The following PLPPR1 variants were observed in gnomAD, a reference collection of about 807,000 sequenced individuals.
PLPPR1 encodes phospholipid phosphatase-related protein type 1.
In PLPPR1, 10 loss-of-function variants were observed where a neutral mutation model predicts 33.1. That is an observed-to-expected ratio of 0.30 (90% CI 0.19 to 0.51). PLPPR1 has a LOEUF of 0.51. Among genes scored for constraint, PLPPR1 ranks in the 20% least tolerant of loss-of-function variants. PLPPR1 has a pLI of 0.97. For synonymous variants in PLPPR1, 151 were observed against 151.0 expected, an observed-to-expected ratio of 1.00 and a Z score of 0.00; for missense variants, 304 against 408.1, an observed-to-expected ratio of 0.74 and a Z score of 2.20.
At chr9:101,290,628 A>C (rs1828478472) in intron 4 of PLPPR1, among the ~76,000 whole-genome samples, 1 of 152,246 alleles carries the variant, frequency 6.6e-6, no homozygotes, top group Non-Finnish European at 1.5e-5. Context: ...AGAAATGTAG[A>C]TTAATTTTTG....
intron 1 of PLPPR1, among the ~76,000 whole-genome samples, chr9:101,111,184 A>T (rs564720531): frequency 1.4e-4 from 21 of 152,132 alleles, no homozygotes; most frequent in Non-Finnish European, 2.5e-4. Context: ...TTATTTTTAA[A>T]TCTATGTTTC....
intron 2 of PLPPR1, among the ~76,000 whole-genome samples, chr9:101,265,787 A>G (rs995358378): frequency 2.6e-5 from 4 of 151,650 alleles, no homozygotes; most frequent in African/African-American, 9.7e-5. Flanking sequence ...ACGAGGTCAG[A>G]AGTTCGAGGC....
intron 4 of PLPPR1, among the ~76,000 whole-genome samples, chr9:101,288,168 A>T (rs957203461): frequency 2.0e-5 from 3 of 152,134 alleles, no homozygotes; most frequent in African/African-American, 7.2e-5. Context: ...TTATTGAGGG[A>T]TGCCAGAAGA....
intron 1 of PLPPR1, among the ~76,000 whole-genome samples, chr9:101,059,120 TA>T (rs141317598): frequency 0.014 from 2,100 of 152,258 alleles, 55 homozygotes; most frequent in African/African-American, 0.048. Context: ...GACATTCTCT[TA>T]AATAACTTTT....
intron 2 of PLPPR1, among the ~76,000 whole-genome samples, chr9:101,252,679 G>A (rs1045573116): frequency 1.7e-4 from 26 of 151,994 alleles, no homozygotes; most frequent in African/African-American, 5.3e-4. Context: ...GCCTAATTCC[G>A]AAGTAACTTG....
chr9:101,250,293 G>T (rs965554579), intron 2 of PLPPR1, among the ~76,000 whole-genome samples: 17 of 151,916 alleles, frequency 1.1e-4, no homozygotes, highest in African/African-American at 4.1e-4. Flanking sequence ...GTTCTTGTGC[G>T]CACACAGCTC....
chr9:101,104,556 T>C lies in PLPPR1; in HGVS notation c.-46+75454T>C, dbSNP rs926557492. 2.4e-4 allele frequency among the ~76,000 whole-genome samples: 32 copies of C among 135,018 alleles called. 1 individual carries two copies. The highest frequency in any genetic ancestry group is 9.3e-4 in the African/African-American group (31 of 33,232). The allele number at this position is 135,018 out of a possible 152,430, so 88.6% of individuals were successfully genotyped here. On this transcript the variant is annotated intron_variant, in intron 1 of 7. Transcript: ENST00000374874. The stretch of plus-strand genomic sequence containing the variant: ...GCTGCTGGATTTGATTTGCCAGTAT[T>C]TTATTGAGGATTTTTGCATCAATGT...
intron 1 of PLPPR1, among the ~76,000 whole-genome samples, chr9:101,031,581 G>A (rs992103778): frequency 1.3e-5 from 2 of 152,150 alleles, no homozygotes. Flanking sequence ...GGGAAAAAAA[G>A]ATAAGAAAGT....
At chr9:101,123,464 G>T (rs565530447) in intron 1 of PLPPR1, among the ~76,000 whole-genome samples, 3 of 152,160 alleles carry the variant, frequency 2.0e-5, no homozygotes, top group Admixed American at 1.3e-4. Context: ...ACACCAGGTC[G>T]TGGGGGTGAT....
chr9:101,147,247 G>A (rs1564158008), intron 1 of PLPPR1, among the ~76,000 whole-genome samples: 1 of 152,094 alleles, frequency 6.6e-6, no homozygotes, highest in African/African-American at 2.4e-5. Context: ...AATTTGTAAG[G>A]AATGTCTTGT....
chr9:101,297,601 A>AG (rs1828672206), intron 4 of PLPPR1, among the ~76,000 whole-genome samples: 1 of 152,202 alleles, frequency 6.6e-6, no homozygotes, highest in Non-Finnish European at 1.5e-5. Flanking sequence ...CCAGGCTTTA[A>AG]GCATAAAACA....
intron 7 of PLPPR1, among the ~76,000 whole-genome samples, chr9:101,323,576 A>T (rs372647108): frequency 5.1e-4 from 77 of 152,040 alleles, no homozygotes; most frequent in African/African-American, 1.8e-3. Flanking sequence ...ATGGTGGCTC[A>T]TGCCTATAAT....
intron 1 of PLPPR1, among the ~76,000 whole-genome samples, chr9:101,180,095 TA>T (rs1210484240): frequency 1.3e-4 from 2 of 15,576 alleles, no homozygotes; most frequent in East Asian, 0.011. Flanking sequence ...AACTCTCCTT[TA>T]TATATATATA....
At chr9:101,072,948 A>T (rs73656138) in intron 1 of PLPPR1, among the ~76,000 whole-genome samples, 3 of 152,198 alleles carry the variant, frequency 2.0e-5, no homozygotes, top group Non-Finnish European at 4.4e-5. Context: ...TTAAGAAAGC[A>T]TGTGTCCAGA....
At chr9:101,086,302 A>T (rs1830675029) in intron 1 of PLPPR1, among the ~76,000 whole-genome samples, 1 of 152,194 alleles carries the variant, frequency 6.6e-6, no homozygotes. Context: ...AGGAAGCAAG[A>T]TTAGGCAGGG....
chr9:101,127,584 A>G (rs986030865), intron 1 of PLPPR1, among the ~76,000 whole-genome samples: 2 of 152,194 alleles, frequency 1.3e-5, no homozygotes, highest in African/African-American at 2.4e-5. Flanking sequence ...TCAAGATACA[A>G]TCAATCCTGG....
At chr9:101,286,742 G>A (rs539875623) in intron 4 of PLPPR1, among the ~76,000 whole-genome samples, 3 of 152,096 alleles carry the variant, frequency 2.0e-5, no homozygotes, top group Non-Finnish European at 2.9e-5. Flanking sequence ...AATAATGAAG[G>A]CATATTCTAC....
chr9:101,299,199 C>G (rs1828702173), intron 4 of PLPPR1, among the ~76,000 whole-genome samples: 1 of 152,104 alleles, frequency 6.6e-6, no homozygotes, highest in African/African-American at 2.4e-5. Context: ...CTCAGGTACA[C>G]AGGTTAAGAG....
At chr9:101,040,002 A>G (rs186750548) in intron 1 of PLPPR1, among the ~76,000 whole-genome samples, 57 of 152,276 alleles carry the variant, frequency 3.7e-4, no homozygotes, top group African/African-American at 1.3e-3. Flanking sequence ...AAAACTTTTC[A>G]GAATATCATC....
Sources: gnomAD v4.1 joint callset for allele counts (sites outside exome capture counted in the v4.1 genomes callset) on GRCh38, gnomAD v4.1.1 for gene constraint, MANE v1.5 for transcripts, NCBI Gene and HGNC (gene_info 2026-07-23, HGNC 2026-07-21) for gene names.